Variants in LRRC7 observed in about 807,000 individuals in gnomAD.
LRRC7 encodes the protein leucine rich repeat containing 7.
In LRRC7, 23 loss-of-function variants were observed where a neutral mutation model predicts 175.7. The observed-to-expected ratio is 0.13, with a 90% CI of 0.09 to 0.19. The LOEUF is 0.19. LRRC7 is among the 10% of genes least tolerant of loss of function. The probability of loss-of-function intolerance (pLI) is 1.00; values close to 1 mark genes in which losing one functional copy is unlikely to be tolerated. For missense variants in LRRC7, 1,354 were observed against 1,904.7 expected (o/e 0.71, Z 5.38); for synonymous variants, 685 against 680.9 (o/e 1.01, Z -0.09).
chr1:69,800,428 A>C (rs1676334234), intron 4 of LRRC7, among the ~76,000 whole-genome samples: 1 of 151,828 alleles, frequency 6.6e-6, no homozygotes, highest in South Asian at 2.1e-4. Flanking sequence ...TCACCAGTGT[A>C]TTGTAGTTTT....
intron 2 of LRRC7, among the ~76,000 whole-genome samples, chr1:69,705,268 A>C (rs1032013424): frequency 6.6e-6 from 1 of 152,146 alleles, no homozygotes; most frequent in Non-Finnish European, 1.5e-5. Flanking sequence ...CAGAATTTAG[A>C]AAGAAAATGA....
chr1:69,773,019 G>A (rs1672416033), intron 3 of LRRC7, among the ~76,000 whole-genome samples: 2 of 152,146 alleles, frequency 1.3e-5, no homozygotes, highest in Admixed American at 1.3e-4. Flanking sequence ...GTCTATTAAA[G>A]AGACAATGGT....
chr1:70,020,867 C>A, intron 15 of LRRC7, 138 bp from the exon 16 acceptor site: 1 of 594,106 alleles, frequency 1.7e-6, no homozygotes. Flanking sequence ...TTCCTTCTTT[C>A]TCTTTCTTTT....
At chr1:70,076,338 A>C in intron 24 of LRRC7, 40 bp downstream of exon 24, 2 of 1,586,840 alleles carry the variant, frequency 1.3e-6, no homozygotes, top group Middle Eastern at 3.3e-4. Flanking sequence ...TCTTCAGGTA[A>C]GAAAAGTCCA....
rs1489794832 is a variant in LRRC7, at chr1:70,134,186, T to C, written c.*12299T>C. On this transcript the variant is annotated 3_prime_UTR_variant, in exon 27 of 27. Coordinates refer to ENST00000651989, the MANE Select transcript of LRRC7 (RefSeq NM_001370785.2). ...GTATTTCGAAATGTATTTCAAAATG[T>C]CTCTCACAAAGTGATCATTGGATTC... Among the ~76,000 whole-genome samples, 3 of 152,252 alleles carry C rather than the reference T, an allele frequency of 2.0e-5. No individual in the cohort carries two copies. The highest frequency in any genetic ancestry group is 2.9e-5 in the Non-Finnish European group (2 of 68,042).
chr1:69,844,418 GA>G (rs1193787057), intron 7 of LRRC7, among the ~76,000 whole-genome samples: 1 of 152,084 alleles, frequency 6.6e-6, no homozygotes, highest in Non-Finnish European at 1.5e-5. Context: ...GACCATTTTA[GA>G]TACCTTGTGT....
intron 1 of LRRC7, among the ~76,000 whole-genome samples, chr1:69,588,605 T>C (rs75899623): frequency 2.0e-5 from 3 of 152,186 alleles, no homozygotes; most frequent in East Asian, 3.8e-4. Context: ...TGAGGAAATT[T>C]GAAACAGGCT....
rs865794509 is a variant in LRRC7, at chr1:69,907,770, C to T, written c.648-23737C>T. On this transcript the variant is annotated intron_variant, in intron 7 of 26. Coordinates refer to ENST00000651989, the MANE Select transcript of LRRC7 (RefSeq NM_001370785.2). ...GGCTTTGGTATCAGGATGATGCTGG[C>T]CTCATAAAATGAGTTAGGGAGGATT... Among the ~76,000 whole-genome samples, 8 of 152,196 alleles carry T rather than the reference C, an allele frequency of 5.3e-5. No individual in the cohort carries two copies. In the Middle Eastern group the frequency reaches 0.01, roughly 194 times the overall value.
chr1:69,675,335 C>T (rs1659618773), intron 1 of LRRC7, among the ~76,000 whole-genome samples: 1 of 151,928 alleles, frequency 6.6e-6, no homozygotes, highest in Non-Finnish European at 1.5e-5. Context: ...TCTGACATAC[C>T]CTGAACCATA....
At chr1:69,973,807 A>G (rs569355736) in intron 8 of LRRC7, among the ~76,000 whole-genome samples, 26 of 152,242 alleles carry the variant, frequency 1.7e-4, no homozygotes, top group Non-Finnish European at 3.7e-4. Flanking sequence ...GCTGGTCTCA[A>G]ACTCCTGACC....
chr1:69,842,631 T>G (rs896728370), intron 7 of LRRC7, among the ~76,000 whole-genome samples: 12 of 151,984 alleles, frequency 7.9e-5, no homozygotes, highest in African/African-American at 2.9e-4. Flanking sequence ...TATTCAAAAT[T>G]GGGAAAGTGG....
At chr1:69,672,226 C>T (rs1659183323) in intron 1 of LRRC7, among the ~76,000 whole-genome samples, 1 of 151,924 alleles carries the variant, frequency 6.6e-6, no homozygotes, top group Non-Finnish European at 1.5e-5. Context: ...TGGCCATCTT[C>T]CTCTGCCCTT....
intron 16 of LRRC7, among the ~76,000 whole-genome samples, chr1:70,022,085 A>G (rs1005687608): frequency 6.6e-6 from 1 of 152,170 alleles, no homozygotes; most frequent in African/African-American, 2.4e-5. Context: ...AAGGCCTACC[A>G]ATATCGTTAC....
intron 1 of LRRC7, among the ~76,000 whole-genome samples, chr1:69,663,961 T>G (rs912198017): frequency 2.6e-5 from 4 of 151,934 alleles, no homozygotes; most frequent in African/African-American, 9.7e-5. Context: ...GACCTCATGA[T>G]CCACCCGCCT....
Position 69,907,325 on chromosome 1 carries a change from A to C in LRRC7, c.648-24182A>C, listed in dbSNP as rs527276353. ...GAATAGGAGTGGTGAGAGAGGGCATACCTGTCTTGTGCCAGTTTTCAAAGG... is the reference window on the plus strand; with the variant it reads ...GAATAGGAGTGGTGAGAGAGGGCATCCCTGTCTTGTGCCAGTTTTCAAAGG... On this transcript the variant is annotated intron_variant, in intron 7 of 26. Coordinates refer to ENST00000651989, the MANE Select transcript of LRRC7 (RefSeq NM_001370785.2). Among the ~76,000 whole-genome samples the C allele has an allele frequency of 1.4e-3, 210 of 152,042 alleles. 1 individual carries two copies. The highest frequency in any genetic ancestry group is 6.4e-3 in the East Asian group (33 of 5,170).
At position 69,852,471 on chromosome 1, in the gene LRRC7, G is replaced by A. The variant is rs2901373; in HGVS notation, c.647+14188G>A. 3.3e-3 allele frequency among the ~76,000 whole-genome samples: 508 copies of A among 152,154 alleles called. 1 individual carries two copies. The highest frequency in any genetic ancestry group is 5.7e-3 in the Non-Finnish European group (389 of 67,992). ...TACAACATCTGGCTCTTGATTATTG[G>A]AAACTTAATGACTCAAGTACAATGT... On this transcript the variant is annotated intron_variant, in intron 7 of 26. Coordinates refer to ENST00000651989, the MANE Select transcript of LRRC7 (RefSeq NM_001370785.2).
chr1:69,606,882 A>G (rs1647675146), intron 1 of LRRC7: 1 of 152,114 alleles, frequency 6.6e-6, no homozygotes, highest in South Asian at 2.1e-4. Context: ...TCAAGAAACA[A>G]ATTTTAACAG....
At chr1:69,963,305 C>CAAAAAA (rs112678826) in intron 8 of LRRC7, among the ~76,000 whole-genome samples, 1 of 106,254 alleles carries the variant, frequency 9.4e-6, no homozygotes. Context: ...GACACCGTCT[C>CAAAAAA]AAAAAAAAAA....
At chr1:69,743,849 C>T (rs1202293865) in intron 2 of LRRC7, among the ~76,000 whole-genome samples, 1 of 151,812 alleles carries the variant, frequency 6.6e-6, no homozygotes, top group Admixed American at 6.6e-5. Context: ...ATGAGACTTA[C>T]TTGAAATGCA....
Sources: gnomAD v4.1 joint callset for allele counts (sites outside exome capture counted in the v4.1 genomes callset) on GRCh38, gnomAD v4.1.1 for gene constraint, MANE v1.5 for transcripts, NCBI Gene and HGNC (gene_info 2026-07-23, HGNC 2026-07-21) for gene names.